Variants in ZYG11A observed in about 807,000 individuals in gnomAD.
ZYG11A encodes the protein protein zyg-11 homolog A.
Under a neutral mutation model 77.2 loss-of-function variants are expected in ZYG11A, and 62 were observed. That is an observed-to-expected ratio of 0.80 (90% CI 0.65 to 0.99). ZYG11A has a LOEUF of 0.99. ZYG11A is among the 50% of genes least tolerant of loss of function. ZYG11A has a pLI of 0.00. For synonymous variants in ZYG11A, 315 were observed against 324.6 expected, an observed-to-expected ratio of 0.97 and a Z score of 0.32; for missense variants, 828 against 896.8, an observed-to-expected ratio of 0.92 and a Z score of 0.98.
At chr1:52,847,833 C>CT (rs1553267132) in intron 1 of ZYG11A, among the ~76,000 whole-genome samples, 19 of 117,590 alleles carry the variant, frequency 1.6e-4, no homozygotes, top group South Asian at 1.5e-3. Context: ...CCACGCCTTG[C>CT]TAATTTATTT....
Position 52,857,519 on chromosome 1 carries a change from C to T in ZYG11A, c.778C>T (p.His260Tyr), listed in dbSNP as rs1038468348. The T allele has an allele frequency of 2.2e-5, 34 of 1,552,044 alleles. No individual in the cohort carries two copies. The highest frequency in any genetic ancestry group is 8.2e-5 in the African/African-American group (6 of 73,064). Residue 260 changes from histidine to tyrosine, a missense_variant, in exon 3 of 14, where the codon CAC (histidine) becomes TAC (tyrosine). His to Tyr is a moderately conservative substitution (Grantham distance 83). Coordinates refer to ENST00000371528, the MANE Select transcript of ZYG11A (RefSeq NM_001004339.3). Reference sequence around the variant, plus strand: ...CATTAGAGAACTTAAATGTCTGCTTCACCTTGATATTTCTGATCACAGGCA... The same window carrying T: ...CATTAGAGAACTTAAATGTCTGCTTTACCTTGATATTTCTGATCACAGGCA... The part of the protein sequence containing the change: ...AVIRELKCLL[H>Y]LDISDHRQLK...
chr1:52,872,543 A>T (rs1169483619), intron 8 of ZYG11A, among the ~76,000 whole-genome samples: 6 of 151,434 alleles, frequency 4.0e-5, no homozygotes, highest in Middle Eastern at 6.9e-3. Context: ...TCAGGGAGTA[A>T]TTTATTAATT....
At position 52,857,684 on chromosome 1, in the gene ZYG11A, T is replaced by C; in HGVS notation, c.943T>C (p.Phe315Leu). The change falls in exon 3 of 14, where the codon TTT (phenylalanine) becomes CTT (leucine). Residue 315 changes from phenylalanine to leucine, a missense_variant. Physicochemically the swap from Phe to Leu is conservative, Grantham distance 22. Transcript: ENST00000371528. ...LFIRLRPAMQ[F>L]VGLLATDAGS... Reference sequence around the variant, plus strand: ...TATACGACTGCGGCCTGCCATGCAATTTGTGGGACTATTGGCCACGGATGC... The same window carrying C: ...TATACGACTGCGGCCTGCCATGCAACTTGTGGGACTATTGGCCACGGATGC... 6.4e-7 allele frequency: 1 copy of C among 1,552,214 alleles called. No homozygotes were observed. Among genetic ancestry groups the C allele is most frequent in the Non-Finnish European group, 8.7e-7 (1 of 1,147,090 alleles).
chr1:52,870,324 C>T (rs1261580846), intron 8 of ZYG11A, among the ~76,000 whole-genome samples: 4 of 148,430 alleles, frequency 2.7e-5, no homozygotes, highest in African/African-American at 9.9e-5. Context: ...AGAGACGCTT[C>T]TCACTTCCTA....
At position 52,842,905 on chromosome 1, in the gene ZYG11A, G is replaced by T. The variant is rs565774109; in HGVS notation, c.22G>T (p.Gly8Cys). MVHFLHPGHTPRNIVPPD... is the reference protein window; with the variant it reads MVHFLHPCHTPRNIVPPD... ...TGCCATGGTTCATTTCTTGCACCCG[G>T]GCCACACGCCCCGGAACATCGTCCC... The change falls in exon 1 of 14, where the codon GGC becomes TGC. Residue 8 changes from glycine to cysteine, a missense_variant. Gly to Cys is a radical substitution (Grantham distance 159). Transcript: ENST00000371528. 5 of 1,531,350 alleles carry T rather than the reference G, an allele frequency of 3.3e-6. No individual in the cohort carries two copies. In the South Asian group the frequency reaches 4.9e-5, roughly 15 times the overall value. The allele number at this position is 1,531,350 out of a possible 1,614,324, so 94.9% of individuals were successfully genotyped here.
chr1:52,869,616 C>G (rs910684896), intron 8 of ZYG11A, among the ~76,000 whole-genome samples: 30 of 151,954 alleles, frequency 2.0e-4, no homozygotes. Flanking sequence ...TAGTACAGAA[C>G]AAAATGAAAA....
intron 1 of ZYG11A, among the ~76,000 whole-genome samples, chr1:52,849,895 A>G (rs529071619): frequency 6.6e-6 from 1 of 151,828 alleles, no homozygotes; most frequent in East Asian, 1.9e-4. Flanking sequence ...CGTGTTAGCC[A>G]GGATGATCTC....
At chr1:52,858,199 C>G (rs1356432507) in intron 3 of ZYG11A, among the ~76,000 whole-genome samples, 1 of 148,814 alleles carries the variant, frequency 6.7e-6, no homozygotes, top group Non-Finnish European at 1.5e-5. Context: ...GAGTCCGAGA[C>G]CAGCCTGGCC....
chr1:52,857,974 A>G (rs1341503134), intron 3 of ZYG11A, among the ~76,000 whole-genome samples: 1 of 151,812 alleles, frequency 6.6e-6, no homozygotes, highest in East Asian at 2.0e-4. Context: ...TTTAATAGAG[A>G]TTGGGTTTCT....
chr1:52,892,121 G>A (rs1293928935), intron 13 of ZYG11A, among the ~76,000 whole-genome samples: 5 of 148,432 alleles, frequency 3.4e-5, no homozygotes, highest in African/African-American at 7.5e-5. Flanking sequence ...GGATGGTCTC[G>A]ATCTCCTGAC....
At chr1:52,855,537 C>T (rs749714689) in intron 2 of ZYG11A, among the ~76,000 whole-genome samples, 1 of 152,280 alleles carries the variant, frequency 6.6e-6, no homozygotes, top group Admixed American at 6.5e-5. Context: ...CAGAAAGAAA[C>T]CTTGTGCCCG....
intron 1 of ZYG11A, among the ~76,000 whole-genome samples, chr1:52,850,135 G>A (rs116827615): frequency 1.6e-3 from 240 of 151,950 alleles, no homozygotes; most frequent in Non-Finnish European, 2.7e-3. Flanking sequence ...CTCTTATTTT[G>A]TAGTTCTGAT....
intron 1 of ZYG11A, among the ~76,000 whole-genome samples, chr1:52,845,972 A>T (rs1279600153): frequency 6.6e-6 from 1 of 152,026 alleles, no homozygotes; most frequent in Non-Finnish European, 1.5e-5. Context: ...GTGCTTTTTA[A>T]TTAGAATAAA....
At chr1:52,890,243 C>A (rs377517391) in intron 13 of ZYG11A, among the ~76,000 whole-genome samples, 8 of 102,890 alleles carry the variant, frequency 7.8e-5, no homozygotes, top group East Asian at 5.9e-4. Context: ...AAAATATTTT[C>A]TTTTAGTTTT....
intron 3 of ZYG11A, among the ~76,000 whole-genome samples, chr1:52,859,987 T>C (rs868377768): frequency 6.6e-6 from 1 of 152,170 alleles, no homozygotes; most frequent in Non-Finnish European, 1.5e-5. Flanking sequence ...CCTACTGTCT[T>C]GATTACTATA....
rs1646592989 is a variant in ZYG11A at position 52,894,452 on chromosome 1, G to A, written c.*1495G>A. Reference sequence around the variant, plus strand: ...AGAAGCTTACTTGATAAGCCTTGCGGAGCTGCTCTGAGGAATAGTGTGAAT... The same window carrying A: ...AGAAGCTTACTTGATAAGCCTTGCGAAGCTGCTCTGAGGAATAGTGTGAAT... On this transcript the variant is annotated 3_prime_UTR_variant, in exon 14 of 14. Coordinates refer to ENST00000371528, the MANE Select transcript of ZYG11A (RefSeq NM_001004339.3). 6.6e-6 allele frequency: 1 copy of A among 152,242 alleles called. No homozygotes were observed. Among genetic ancestry groups the A allele is most frequent in the African/African-American group, 2.4e-5 (1 of 41,458 alleles). The allele number at this position is 152,242 out of a possible 1,614,324, so 9.4% of individuals were successfully genotyped here. A position where few individuals can be genotyped will look rare whatever the true frequency, so the allele number is the denominator to read the frequency against.
chr1:52,866,742 A>G (rs566341543), intron 6 of ZYG11A, among the ~76,000 whole-genome samples, 175 bp downstream of exon 6: 6 of 152,324 alleles, frequency 3.9e-5, no homozygotes, highest in South Asian at 4.2e-4. Flanking sequence ...TGATTCTAGT[A>G]TAGGATAGTG....
At chr1:52,859,672 T>A (rs1557436683) in intron 3 of ZYG11A, among the ~76,000 whole-genome samples, 1 of 101,794 alleles carries the variant, frequency 9.8e-6, no homozygotes, top group Non-Finnish European at 2.0e-5. Flanking sequence ...ATTGCCTTTT[T>A]TTTTTTTTTT....
In ZYG11A at chr1:52,883,071, T is replaced by G. The variant is rs185570276; in HGVS notation, c.1944+1406T>G. Among the ~76,000 whole-genome samples, 96 of 152,028 alleles carry G rather than the reference T, an allele frequency of 6.3e-4. 1 individual carries two copies. Among genetic ancestry groups the G allele is most frequent in the African/African-American group, 2.1e-3 (89 of 41,434 alleles). ...TGTTTTTGTTTCATAGTTCTATATC[T>G]ATTTTTCTCTTTGAACGTAATAATG... On this transcript the variant is annotated intron_variant, in intron 11 of 13. Transcript: ENST00000371528.
Sources: gnomAD v4.1 joint callset for allele counts (sites outside exome capture counted in the v4.1 genomes callset) on GRCh38, gnomAD v4.1.1 for gene constraint, MANE v1.5 for transcripts, NCBI Gene and HGNC (gene_info 2026-07-23, HGNC 2026-07-21) for gene names.